The following NRG1 variants were observed in gnomAD, a reference collection of about 807,000 sequenced individuals.
The protein encoded by NRG1 is neuregulin 1.
A neutral mutation model predicts 63.8 loss-of-function variants in NRG1; 18 were observed. The observed-to-expected ratio is 0.28, with a 90% CI of 0.19 to 0.42. The LOEUF is 0.42. NRG1 is among the 10% of genes least tolerant of loss of function. NRG1 has a pLI of 1.00. For missense variants in NRG1, 762 were observed against 814.7 expected (o/e 0.94, Z 0.79); for synonymous variants, 302 against 301.3 (o/e 1.00, Z -0.02).
chr8:31,962,360 A>T (rs555958090), intron 1 of NRG1, among the ~76,000 whole-genome samples: 16 of 152,274 alleles, frequency 1.1e-4, no homozygotes, highest in African/African-American at 3.1e-4. Context: ...AAACAATCAC[A>T]CATTATTTAT....
intron 1 of NRG1, among the ~76,000 whole-genome samples, chr8:31,874,198 G>A (rs896231732): frequency 7.9e-5 from 12 of 152,334 alleles, no homozygotes; most frequent in African/African-American, 2.9e-4. Flanking sequence ...GGCTCAGTGA[G>A]ATCAGTGGGG....
At chr8:31,905,057 G>T (rs1193846036) in intron 1 of NRG1, among the ~76,000 whole-genome samples, 1 of 151,932 alleles carries the variant, frequency 6.6e-6, no homozygotes, top group Non-Finnish European at 1.5e-5. Flanking sequence ...TCTAGACTTG[G>T]GTAGGTGGCC....
chr8:32,680,411 A>G (rs1808290773), intron 5 of NRG1, among the ~76,000 whole-genome samples: 1 of 152,182 alleles, frequency 6.6e-6, no homozygotes, highest in Non-Finnish European at 1.5e-5. Context: ...GGCTACATAG[A>G]TTACTGCACA....
chr8:32,279,829 T>C (rs1852510619), intron 1 of NRG1, among the ~76,000 whole-genome samples: 1 of 152,212 alleles, frequency 6.6e-6, no homozygotes, highest in African/African-American at 2.4e-5. Context: ...GAGTCTGCTA[T>C]GGTTTTCTGA....
At chr8:32,761,084 G>A in intron 11 of NRG1, 1 of 700,248 alleles carries the variant, frequency 1.4e-6, no homozygotes, top group Non-Finnish European at 1.8e-6. Context: ...TGGGGAGATT[G>A]GGTTGGGTTG....
In NRG1 at chr8:32,194,710, T is replaced by C. The variant is rs575358765; in HGVS notation, c.38-401118T>C. ...AGAGTAGTGTTTGCTCCAAAACTTG[T>C]AAAAAGTGAGACCAATGGAAACCAT... On this transcript the variant is annotated intron_variant, in intron 1 of 10. Coordinates refer to the NRG1 transcript ENST00000519301. Among the ~76,000 whole-genome samples the C allele has an allele frequency of 3.9e-5, 6 of 152,224 alleles. No individual in the cohort carries two copies. The East Asian group carries it at 1.2e-3, about 30-fold the overall frequency.
At chr8:32,158,777 G>A (rs1218722539) in intron 1 of NRG1, among the ~76,000 whole-genome samples, 2 of 152,036 alleles carry the variant, frequency 1.3e-5, no homozygotes, top group Non-Finnish European at 2.9e-5. Flanking sequence ...AGGAGGAAAC[G>A]TGAGAGGCTA....
chr8:32,692,525 A>G (rs1812027452), intron 5 of NRG1, among the ~76,000 whole-genome samples: 1 of 152,216 alleles, frequency 6.6e-6, no homozygotes, highest in East Asian at 1.9e-4. Context: ...CTTCCTGGAA[A>G]AATTAGACCC....
chr8:32,150,824 C>T (rs542205590), intron 1 of NRG1, among the ~76,000 whole-genome samples: 1 of 152,264 alleles, frequency 6.6e-6, no homozygotes, highest in East Asian at 1.9e-4. Flanking sequence ...ACCCAATAAA[C>T]ATACCCATAT....
At chr8:31,989,253 C>CAAAAAAAAA (rs10692906) in intron 1 of NRG1, among the ~76,000 whole-genome samples, 583 of 47,494 alleles carry the variant, frequency 0.012, 97 homozygotes, top group African/African-American at 0.055. Context: ...GACTCTGTCT[C>CAAAAAAAAA]AAAAAAAAAA....
chr8:31,723,335 G>A (rs1025159809), intron 1 of NRG1, among the ~76,000 whole-genome samples: 1 of 152,136 alleles, frequency 6.6e-6, no homozygotes, highest in African/African-American at 2.4e-5. Context: ...AGTGAGCAGG[G>A]TGAGAAAATC....
chr8:31,741,953 A>T (rs1208828188), intron 1 of NRG1, among the ~76,000 whole-genome samples: 3 of 152,090 alleles, frequency 2.0e-5, no homozygotes, highest in Non-Finnish European at 4.4e-5. Context: ...CAAAAGTAGG[A>T]TATATAGATA....
chr8:32,301,220 A>G (rs1052575850), intron 1 of NRG1, among the ~76,000 whole-genome samples: 1 of 152,230 alleles, frequency 6.6e-6, no homozygotes, highest in African/African-American at 2.4e-5. Context: ...TTAAAAATAG[A>G]GCAGTTTCAA....
intron 1 of NRG1, among the ~76,000 whole-genome samples, chr8:32,207,520 T>A (rs1358683055): frequency 6.6e-6 from 1 of 152,228 alleles, no homozygotes; most frequent in Non-Finnish European, 1.5e-5. Context: ...CAGAAGCTAC[T>A]ACTCTGTTCT....
intron 1 of NRG1, among the ~76,000 whole-genome samples, chr8:32,427,769 T>C (rs1413389609): frequency 6.6e-6 from 1 of 150,592 alleles, no homozygotes; most frequent in African/African-American, 2.5e-5. Flanking sequence ...AAGCTCTCTT[T>C]TAGTCACCAA....
At chr8:32,108,972 C>A (rs1831640777) in intron 1 of NRG1, among the ~76,000 whole-genome samples, 1 of 152,166 alleles carries the variant, frequency 6.6e-6, no homozygotes, top group Non-Finnish European at 1.5e-5. Flanking sequence ...AAAACCAATG[C>A]AGCAAAAGAC....
chr8:32,619,036 A>C (rs1228713630), intron 5 of NRG1, among the ~76,000 whole-genome samples: 1 of 152,168 alleles, frequency 6.6e-6, no homozygotes. Context: ...AACATTAGTC[A>C]GACCTCAGCT....
At chr8:31,639,757 T>A (rs1450698947) in intron 1 of NRG1, 2 of 1,365,616 alleles carry the variant, frequency 1.5e-6, no homozygotes, top group African/African-American at 1.5e-5. Context: ...TGCCTTTTTT[T>A]TTTTTGCCCT....
At chr8:31,744,408 C>G (rs144073445) in intron 1 of NRG1, among the ~76,000 whole-genome samples, 181 of 152,132 alleles carry the variant, frequency 1.2e-3, no homozygotes, top group African/African-American at 4.0e-3. Flanking sequence ...ATGTCCTAGA[C>G]ACCTTATTGT....
Sources: gnomAD v4.1 joint callset for allele counts (sites outside exome capture counted in the v4.1 genomes callset) on GRCh38, gnomAD v4.1.1 for gene constraint, MANE v1.5 for transcripts, NCBI Gene and HGNC (gene_info 2026-07-23, HGNC 2026-07-21) for gene names.